Variants in LIMS2 observed in about 807,000 individuals in gnomAD.
LIMS2 encodes the protein LIM and senescent cell antigen-like-containing domain protein 2.
LIMS2 carries 30 observed loss-of-function variants against 45.3 expected under a neutral mutation model. The ratio of observed to expected loss-of-function variants is 0.66; its 90% CI spans 0.50 to 0.90. The LOEUF is 0.90. LIMS2 is among the 40% of genes least tolerant of loss of function. LIMS2 has a pLI of 0.00. For missense variants in LIMS2, 485 were observed against 468.7 expected, an observed-to-expected ratio of 1.03 and a Z score of -0.32; for synonymous variants, 173 against 188.0, an observed-to-expected ratio of 0.92 and a Z score of 0.65.
chr2:127,661,128 AAG>A (rs1482796004), intron 1 of LIMS2, among the ~76,000 whole-genome samples: 1 of 152,210 alleles, frequency 6.6e-6, no homozygotes, highest in African/African-American at 2.4e-5. Context: ...GCAGGGGAGG[AAG>A]AGAGGCAGTG....
At chr2:127,644,372 C>T (rs1573762566) in intron 4 of LIMS2, among the ~76,000 whole-genome samples, 1 of 152,232 alleles carries the variant, frequency 6.6e-6, no homozygotes, top group Admixed American at 6.5e-5. Flanking sequence ...TACACCCCAG[C>T]GACGGGAAGC....
exon 1 of LIMS2, chr2:127,681,620 TC>T (rs1374918678): frequency 2.0e-5 from 3 of 152,190 alleles, no homozygotes; most frequent in Non-Finnish European, 4.4e-5. Context: ...GAGGTGCTGC[TC>T]CGGGCCCAGA....
At chr2:127,651,899 C>G (rs2105279313) in intron 4 of LIMS2, 1 of 753,812 alleles carries the variant, frequency 1.3e-6, no homozygotes, top group East Asian at 2.7e-5. Flanking sequence ...ATCGCCTAGT[C>G]TCAACCCATA....
Position 127,674,998 on chromosome 2 carries a change from G to A in LIMS2, c.11+16C>T, listed in dbSNP as rs938178201. On this transcript the variant is annotated intron_variant, in intron 1 of 9. Transcript: ENST00000355119. The stretch of plus-strand genomic sequence containing the variant: ...TCCCGCCTCCCCGGCCCGGGGGCGT[G>A]GGTGGGGGCCGTTACCTTCCCGTCA... The A allele has an allele frequency of 2.4e-6, 3 of 1,229,560 alleles. No individual in the cohort carries two copies. The highest frequency in any genetic ancestry group is 4.2e-5 in the Admixed American group (1 of 23,560). 76.2% of individuals were successfully genotyped at this position (1,229,560 alleles called of 1,614,324 possible). A position where few individuals can be genotyped will look rare whatever the true frequency, so the allele number is the denominator to read the frequency against.
At chr2:127,660,781 A>C (rs1484951820) in intron 1 of LIMS2, among the ~76,000 whole-genome samples, 2 of 152,214 alleles carry the variant, frequency 1.3e-5, no homozygotes, top group African/African-American at 4.8e-5. Context: ...CTGGCCACAC[A>C]CACTCTCCTC....
In LIMS2 at chr2:127,647,665, C is replaced by G. The variant is rs1162246962; in HGVS notation, c.360-4593G>C. 6.6e-6 allele frequency among the ~76,000 whole-genome samples: 1 copy of G among 152,152 alleles called. No individual in the cohort carries two copies. Among genetic ancestry groups the G allele is most frequent in the South Asian group, 2.1e-4 (1 of 4,816 alleles). ...CACTCACTGGGCCCCCTCTCCTCTTCCAGTCTCCAGGGCCTCCCCGCACAC... is the reference window on the plus strand; with the variant it reads ...CACTCACTGGGCCCCCTCTCCTCTTGCAGTCTCCAGGGCCTCCCCGCACAC... On this transcript the variant is annotated intron_variant, in intron 4 of 9. Coordinates refer to ENST00000355119, the MANE Select transcript of LIMS2 (RefSeq NM_001161403.3). The surrounding 1 kb of genome is among the most constrained non-coding windows in gnomAD (Gnocchi z 4.3).
At position 127,675,452 on chromosome 2, in the gene LIMS2, C is replaced by G. The variant is rs1158380706; in HGVS notation, c.-428G>C. On this transcript the variant is annotated 5_prime_UTR_variant, in exon 1 of 10. Coordinates refer to ENST00000355119, the MANE Select transcript of LIMS2 (RefSeq NM_001161403.3). ...GGGTGGGCCCCGCTCCCGCACAGCC[C>G]CAGCTCCAGGGACACGGAGCGCGGC... Among the ~76,000 whole-genome samples, 1 of 152,014 alleles carries G rather than the reference C, an allele frequency of 6.6e-6. No individual in the cohort carries two copies. The highest frequency in any genetic ancestry group is 2.4e-5 in the African/African-American group (1 of 41,388).
Position 127,657,639 on chromosome 2 carries a change from G to A in LIMS2, c.12-77C>T, listed in dbSNP as rs72843389. On this transcript the variant is annotated intron_variant, in intron 1 of 9. Transcript: ENST00000355119. ...GGGGCACACGCGGGGGCCTGCGCCC[G>A]ACAGACACACCTCGTATTAAAAAGT... 0.051 allele frequency: 71,538 copies of A among 1,403,352 alleles called. 2,225 individuals are homozygous for A. Among genetic ancestry groups the A allele is most frequent in the Admixed American group, 0.1 (4,724 of 45,712 alleles). 86.9% of individuals were successfully genotyped at this position (1,403,352 alleles called of 1,614,324 possible).
intron 4 of LIMS2, chr2:127,646,735 C>T (rs1344286252): frequency 6.5e-6 from 1 of 152,906 alleles, no homozygotes; most frequent in Non-Finnish European, 1.5e-5. Context: ...CTGCCCAGGC[C>T]CCGGCCCATG....
intron 2 of LIMS2, chr2:127,655,178 G>A: frequency 1.8e-6 from 1 of 550,434 alleles, no homozygotes; most frequent in Admixed American, 3.1e-5. Flanking sequence ...GACCCTGTTG[G>A]TCCGGAGAAC....
intron 1 of LIMS2, among the ~76,000 whole-genome samples, chr2:127,665,735 C>T (rs886070226): frequency 2.6e-5 from 4 of 152,190 alleles, no homozygotes; most frequent in Admixed American, 6.5e-5. Context: ...GGCCTAGACC[C>T]TCTCACCACT....
Position 127,657,522 on chromosome 2 carries a change from A to G in LIMS2, c.52T>C (p.Cys18Arg), listed in dbSNP as rs771951489. The G allele has an allele frequency of 1.9e-6, 3 of 1,612,270 alleles. No individual in the cohort carries two copies. In the East Asian group the frequency reaches 6.7e-5, roughly 36 times the overall value. Residue 18 changes from cysteine to arginine, a missense_variant, in exon 2 of 10, where the codon TGC becomes CGC. By Grantham distance (180) the Cys-to-Arg change is radical. Transcript: ENST00000355119. The part of the protein sequence containing the change: ...DALANAVCQR[C>R]QARFSPAERI... The stretch of plus-strand genomic sequence containing the variant: ...TCGGCGGGGGAGAAGCGGGCCTGGC[A>G]GCGCTGGCACACGGCGTTGGCCAAG...
In LIMS2 at chr2:127,639,335, C is replaced by T. The variant is rs1173620840; in HGVS notation, c.972G>A (p.Ser324=). Residue 324 remains serine (S), a synonymous_variant, in exon 10 of 10, where the codon TCG becomes TCA. Coordinates refer to ENST00000355119, the MANE Select transcript of LIMS2 (RefSeq NM_001161403.3). ...GCTGGGCCTTGCGGGAGGTCAGCTC[C>T]GACAGCTTCTTCAGCCGCTTCTTCA... ...LELKKRLKKL[S]ELTSRKAQPK... 25 of 1,613,806 alleles carry T rather than the reference C, an allele frequency of 1.5e-5. No individual in the cohort carries two copies. Among genetic ancestry groups the T allele is most frequent in the South Asian group, 8.8e-5 (8 of 91,088 alleles).
At position 127,667,285 on chromosome 2, in the gene LIMS2, T is replaced by C. The variant is rs953688181; in HGVS notation, c.11+7729A>G. ...CAGCCTGGGTGACAGAGTGAGATCTTGTCTCAAAAAGAGAAAAAAACAAAA... is the reference window on the plus strand; with the variant it reads ...CAGCCTGGGTGACAGAGTGAGATCTCGTCTCAAAAAGAGAAAAAAACAAAA... On this transcript the variant is annotated intron_variant, in intron 1 of 9. Transcript: ENST00000355119. The surrounding 1 kb of genome is among the most constrained non-coding windows in gnomAD (Gnocchi z 4.1). 6.6e-6 allele frequency among the ~76,000 whole-genome samples: 1 copy of C among 152,116 alleles called. No homozygotes were observed. Among genetic ancestry groups the C allele is most frequent in the African/African-American group, 2.4e-5 (1 of 41,426 alleles).
intron 4 of LIMS2, chr2:127,649,936 G>A: frequency 7.9e-7 from 1 of 1,262,276 alleles, no homozygotes; most frequent in South Asian, 1.3e-5. Context: ...ATCTACTCTG[G>A]GAGAGAAAAT....
chr2:127,662,289 GTCC>G (rs1237028498), intron 1 of LIMS2, among the ~76,000 whole-genome samples: 5 of 152,152 alleles, frequency 3.3e-5, no homozygotes, highest in Non-Finnish European at 7.3e-5. Context: ...CCATGCTTCT[GTCC>G]TCCTTCCAAC....
At chr2:127,661,609 C>G (rs188432519) in intron 1 of LIMS2, among the ~76,000 whole-genome samples, 1 of 152,220 alleles carries the variant, frequency 6.6e-6, no homozygotes, top group African/African-American at 2.4e-5. Context: ...AACATACTGC[C>G]CAGGGCACAC....
Position 127,664,571 on chromosome 2 carries a change from A to G in LIMS2, c.12-7009T>C. 3 of 1,146,184 alleles carry G rather than the reference A, an allele frequency of 2.6e-6. No homozygotes were observed. Among genetic ancestry groups the G allele is most frequent in the South Asian group, 4.4e-5 (1 of 22,702 alleles). 71.0% of individuals were successfully genotyped at this position (1,146,184 alleles called of 1,614,324 possible). On this transcript the variant is annotated intron_variant, in intron 1 of 9. Coordinates refer to ENST00000355119, the MANE Select transcript of LIMS2 (RefSeq NM_001161403.3). This position sits in a 1 kb window ranked among gnomAD's most constrained non-coding sequence, Gnocchi z 5.5. ...CGCTGGGATCTCCAAAGGGCAGCAG[A>G]GTCAACTCCAAATAGAAAGGATATT...
intron 1 of LIMS2, among the ~76,000 whole-genome samples, chr2:127,662,940 TCTAGTGG>T (rs1310935925): frequency 6.6e-6 from 1 of 152,204 alleles, no homozygotes; most frequent in East Asian, 1.9e-4. Flanking sequence ...ATCTCTTTGC[TCTAGTGG>T]CTTTTCTTTT....
Sources: gnomAD v4.1 joint callset for allele counts (sites outside exome capture counted in the v4.1 genomes callset) on GRCh38, gnomAD v4.1.1 for gene constraint, Gnocchi (gnomAD v3.1) non-coding constraint, MANE v1.5 for transcripts, NCBI Gene and HGNC (gene_info 2026-07-23, HGNC 2026-07-21) for gene names.